Variants in DGKB observed in about 807,000 individuals in gnomAD.
The protein encoded by DGKB is diacylglycerol kinase beta.
Under a neutral mutation model 114.3 loss-of-function variants are expected in DGKB, and 67 were observed. The ratio of observed to expected loss-of-function variants is 0.59; its 90% CI spans 0.48 to 0.72. The LOEUF is 0.72. DGKB is among the 30% of genes least tolerant of loss of function. The pLI, the probability that DGKB is intolerant of heterozygous loss-of-function variation, is 0.00. For missense variants in DGKB, 907 were observed against 975.2 expected, an observed-to-expected ratio of 0.93 and a Z score of 0.93; for synonymous variants, 398 against 323.1, an observed-to-expected ratio of 1.23 and a Z score of -2.49.
At chr7:14,208,805 G>A (rs564653272) in intron 23 of DGKB, among the ~76,000 whole-genome samples, 19 of 151,140 alleles carry the variant, frequency 1.3e-4, no homozygotes, top group African/African-American at 4.6e-4. Context: ...CACAGCTAGT[G>A]TTTTTTCAGT....
intron 21 of DGKB, among the ~76,000 whole-genome samples, chr7:14,465,022 G>C (rs1833624500): frequency 6.6e-6 from 1 of 152,118 alleles, no homozygotes; most frequent in African/African-American, 2.4e-5. Context: ...GGAAAAACTT[G>C]GTGAAGATGC....
At chr7:14,231,936 A>T (rs11514732) in intron 23 of DGKB, among the ~76,000 whole-genome samples, 34,854 of 151,912 alleles carry the variant, frequency 0.23, 4,034 homozygotes, top group Middle Eastern at 0.32. Flanking sequence ...TAACTTAGCT[A>T]AAGCCTCATT....
chr7:14,874,613 A>G (rs920668579), intron 1 of DGKB, among the ~76,000 whole-genome samples: 14 of 152,102 alleles, frequency 9.2e-5, no homozygotes, highest in Non-Finnish European at 1.6e-4. Context: ...ATATCTATAT[A>G]TAAATGGGGT....
At chr7:14,756,353 G>A (rs1380237593) in intron 3 of DGKB, among the ~76,000 whole-genome samples, 2 of 151,840 alleles carry the variant, frequency 1.3e-5, no homozygotes, top group Non-Finnish European at 2.9e-5. Context: ...AAGTTTAGCT[G>A]CTAATTTTTT....
At chr7:14,562,387 G>C (rs1480693871) in intron 20 of DGKB, among the ~76,000 whole-genome samples, 2 of 152,188 alleles carry the variant, frequency 1.3e-5, no homozygotes, top group Non-Finnish European at 2.9e-5. Context: ...CTGCCTAGTG[G>C]AGCTGTGAGA....
At position 14,185,424 on chromosome 7, in the gene DGKB, G is replaced by A. The variant is rs974220803; in HGVS notation, c.2123-7273C>T. 3.3e-5 allele frequency among the ~76,000 whole-genome samples: 5 copies of A among 152,114 alleles called. No homozygotes were observed. The South Asian group carries it at 6.2e-4, about 19-fold the overall frequency. ...CATGGATGGGTAGAATCAATATTGT[G>A]AAAATGACCATACTGCCAAAAGCAA... On this transcript the variant is annotated intron_variant, in intron 23 of 25. Transcript: ENST00000402815.
At chr7:14,612,362 G>T (rs1228933324) in intron 16 of DGKB, among the ~76,000 whole-genome samples, 2 of 151,670 alleles carry the variant, frequency 1.3e-5, no homozygotes, top group South Asian at 2.1e-4. Flanking sequence ...GTAGAGACGG[G>T]GTTTCACTAT....
intron 21 of DGKB, among the ~76,000 whole-genome samples, chr7:14,416,610 A>G (rs1003803419): frequency 6.6e-6 from 1 of 152,046 alleles, no homozygotes; most frequent in Admixed American, 6.6e-5. Context: ...ATGGTAGTAA[A>G]TAAGTCTCAC....
intron 2 of DGKB, among the ~76,000 whole-genome samples, chr7:14,801,942 A>ACACACG (rs1258620840): frequency 1.7e-3 from 260 of 151,736 alleles, no homozygotes; most frequent in African/African-American, 6.1e-3. Flanking sequence ...ACACACACAC[A>ACACACG]CACACGCACA....
intron 25 of DGKB, among the ~76,000 whole-genome samples, chr7:14,172,441 G>A (rs1386935412): frequency 6.6e-6 from 1 of 152,146 alleles, no homozygotes; most frequent in South Asian, 2.1e-4. Flanking sequence ...TTAATAGGGA[G>A]AGAAAGAAAG....
chr7:14,331,975 A>G (rs1585175490), intron 23 of DGKB, among the ~76,000 whole-genome samples: 1 of 152,222 alleles, frequency 6.6e-6, no homozygotes, highest in Non-Finnish European at 1.5e-5. Flanking sequence ...TGCAAAGTAT[A>G]TGGAAAAGCT....
At chr7:14,877,216 A>T (rs979144909) in intron 1 of DGKB, among the ~76,000 whole-genome samples, 2 of 152,190 alleles carry the variant, frequency 1.3e-5, no homozygotes, top group East Asian at 3.8e-4. Flanking sequence ...ACGATTGCTG[A>T]GAGCTGGCCA....
At chr7:14,873,688 AT>A in intron 1 of DGKB, among the ~76,000 whole-genome samples, 1 of 152,110 alleles carries the variant, frequency 6.6e-6, no homozygotes, top group Middle Eastern at 3.4e-3. Context: ...TTTTTCAATA[AT>A]ATGTACATAC....
At chr7:14,933,815 T>C (rs755599510) in intron 1 of DGKB, among the ~76,000 whole-genome samples, 1 of 152,190 alleles carries the variant, frequency 6.6e-6, no homozygotes, top group Non-Finnish European at 1.5e-5. Context: ...ATATTAAAAA[T>C]ATCTAATTTT....
At chr7:14,885,183 G>A (rs1290170373) in intron 1 of DGKB, among the ~76,000 whole-genome samples, 1 of 151,924 alleles carries the variant, frequency 6.6e-6, no homozygotes, top group East Asian at 1.9e-4. Context: ...GGAAGGAAAG[G>A]AGAGAATATC....
chr7:14,194,082 C>T (rs1281537644), intron 23 of DGKB, among the ~76,000 whole-genome samples: 2 of 152,066 alleles, frequency 1.3e-5, no homozygotes, highest in East Asian at 1.9e-4. Context: ...AATGGGAACA[C>T]TTATATGCTG....
chr7:14,741,881 A>G (rs1832636542), intron 4 of DGKB, among the ~76,000 whole-genome samples: 1 of 152,210 alleles, frequency 6.6e-6, no homozygotes, highest in Non-Finnish European at 1.5e-5. Flanking sequence ...AGAACGCTCA[A>G]GTTAATTAAA....
At chr7:14,846,477 C>T (rs1035732142) in intron 1 of DGKB, among the ~76,000 whole-genome samples, 4 of 152,188 alleles carry the variant, frequency 2.6e-5, no homozygotes, top group East Asian at 3.9e-4. Flanking sequence ...AATACAGAGG[C>T]ACAGCTATAT....
At chr7:14,267,011 T>C (rs58283129) in intron 23 of DGKB, among the ~76,000 whole-genome samples, 111 of 145,584 alleles carry the variant, frequency 7.6e-4, no homozygotes, top group African/African-American at 2.9e-3. Context: ...CAAGTTGGTT[T>C]CCCCCTAGAG....
Sources: allele counts gnomAD v4.1 joint callset (sites outside exome capture counted in the v4.1 genomes callset), GRCh38; gene constraint gnomAD v4.1.1; transcripts MANE v1.5; gene names NCBI Gene and HGNC (gene_info 2026-07-23, HGNC 2026-07-21).